The following MEI1 variants were observed in gnomAD, a reference collection of about 807,000 sequenced individuals.
MEI1 encodes meiotic double-stranded break formation protein 1.
In MEI1, 103 loss-of-function variants were observed where a neutral mutation model predicts 146.2. The ratio of observed to expected loss-of-function variants is 0.70; its 90% CI spans 0.60 to 0.83. The LOEUF is 0.83. Among genes scored for constraint, MEI1 ranks in the 40% least tolerant of loss-of-function variants. The pLI, the probability that MEI1 is intolerant of heterozygous loss-of-function variation, is 0.00. For missense variants in MEI1, 1,529 were observed against 1,533.0 expected (o/e 1.00, Z 0.04); for synonymous variants, 652 against 628.2 (o/e 1.04, Z -0.57).
intron 5 of MEI1, among the ~76,000 whole-genome samples, chr22:41,716,989 C>G (rs1393166014): frequency 6.6e-6 from 1 of 151,564 alleles, no homozygotes; most frequent in Non-Finnish European, 1.5e-5. Context: ...ACGCCCGGCT[C>G]CATTCATTCT....
intron 19 of MEI1, among the ~76,000 whole-genome samples, chr22:41,769,001 A>G (rs1201201349): frequency 6.6e-6 from 1 of 152,248 alleles, no homozygotes; most frequent in East Asian, 1.9e-4. Flanking sequence ...AGTGCTCTCC[A>G]AATTGATCGG....
At chr22:41,703,886 C>T (rs370309947) in intron 2 of MEI1, among the ~76,000 whole-genome samples, 1 of 151,870 alleles carries the variant, frequency 6.6e-6, no homozygotes, top group Non-Finnish European at 1.5e-5. Flanking sequence ...CTTGGGAGGC[C>T]GAGGCATGAG....
At chr22:41,719,465 G>T (rs2070538763) in intron 6 of MEI1, among the ~76,000 whole-genome samples, 1 of 152,190 alleles carries the variant, frequency 6.6e-6, no homozygotes, top group Non-Finnish European at 1.5e-5. Context: ...GGGATTAAAG[G>T]CGCAAGCCAC....
At chr22:41,734,382 C>G (rs1237423316) in intron 11 of MEI1, among the ~76,000 whole-genome samples, 3 of 152,054 alleles carry the variant, frequency 2.0e-5, no homozygotes, top group African/African-American at 7.2e-5. Context: ...TACCTGAAGT[C>G]AGGAGTTCAA....
At chr22:41,730,696 G>A (rs1329760979) in intron 9 of MEI1, 59 bp downstream of exon 9, 19 of 1,116,484 alleles carry the variant, frequency 1.7e-5, no homozygotes, top group Non-Finnish European at 2.2e-5. Flanking sequence ...TTGCACTTGG[G>A]TAGCAGCCGC....
chr22:41,725,701 CTCTT>C (rs1387290559), intron 7 of MEI1, among the ~76,000 whole-genome samples: 1 of 152,220 alleles, frequency 6.6e-6, no homozygotes, highest in Non-Finnish European at 1.5e-5. Flanking sequence ...CATTTCTCCT[CTCTT>C]TATCTGCTGA....
At chr22:41,749,327 G>T (rs1276546122) in intron 15 of MEI1, among the ~76,000 whole-genome samples, 1 of 151,492 alleles carries the variant, frequency 6.6e-6, no homozygotes, top group Non-Finnish European at 1.5e-5. Context: ...CCGGGCTAGA[G>T]TGCAATGGCA....
At chr22:41,779,642 A>G (rs566521322) in intron 22 of MEI1, among the ~76,000 whole-genome samples, 14 of 152,336 alleles carry the variant, frequency 9.2e-5, no homozygotes, top group African/African-American at 3.1e-4. Context: ...GATAAGGAAT[A>G]CTTATCTAGT....
In MEI1 at chr22:41,752,606, T is replaced by C; in HGVS notation, c.1808T>C (p.Ile603Thr). 5.0e-6 allele frequency: 8 copies of C among 1,599,370 alleles called. No homozygotes were observed. Among genetic ancestry groups the C allele is most frequent in the Non-Finnish European group, 6.8e-6 (8 of 1,172,992 alleles). Residue 603 changes from isoleucine (I) to threonine (T), a missense_variant, in exon 16 of 31, where the codon ATA becomes ACA. Transcript: ENST00000401548. ...TTCTCTGAAGCTTCCTCATCCTTCA[T>C]ACGACTGACCCTGGAGCTGAAGGCC... The part of the protein sequence containing the change: ...FSKKLASSSF[I>T]RLTLELKARF...
At chr22:41,796,190 T>A (rs1170301619) in intron 30 of MEI1, among the ~76,000 whole-genome samples, 3 of 151,884 alleles carry the variant, frequency 2.0e-5, no homozygotes, top group Admixed American at 6.6e-5. Flanking sequence ...ATATATATAT[T>A]TATTTATTCA....
At chr22:41,738,777 A>T (rs954951024) in intron 11 of MEI1, among the ~76,000 whole-genome samples, 2 of 130,356 alleles carry the variant, frequency 1.5e-5, no homozygotes, top group East Asian at 4.4e-4. Context: ...TCTCAAAAAA[A>T]AAAATAAATA....
intron 11 of MEI1, among the ~76,000 whole-genome samples, chr22:41,738,072 T>C (rs2072537032): frequency 6.6e-6 from 1 of 152,208 alleles, no homozygotes; most frequent in Admixed American, 6.5e-5. Context: ...CCCAGCACTT[T>C]GGGAAGTCAA....
chr22:41,783,868 A>T (rs2075850876), intron 24 of MEI1, among the ~76,000 whole-genome samples: 1 of 152,006 alleles, frequency 6.6e-6, no homozygotes. Context: ...TTTCTTGTAG[A>T]GATGGGTCTT....
At chr22:41,793,418 C>T (rs546625718) in intron 26 of MEI1, among the ~76,000 whole-genome samples, 1 of 152,296 alleles carries the variant, frequency 6.6e-6, no homozygotes, top group East Asian at 1.9e-4. Context: ...TCTCCTGCCT[C>T]AACCTCCTCA....
chr22:41,759,617 G>A (rs147745938), intron 18 of MEI1, among the ~76,000 whole-genome samples: 2,241 of 142,500 alleles, frequency 0.016, 18 homozygotes, highest in Non-Finnish European at 0.022. Flanking sequence ...GCGACAGAGC[G>A]AGACTCCGTC....
At chr22:41,724,106 C>A (rs1247845759) in intron 7 of MEI1, 33 bp downstream of exon 7, 4 of 1,611,732 alleles carry the variant, frequency 2.5e-6, no homozygotes, top group Non-Finnish European at 3.4e-6. Flanking sequence ...TCTCTAGGTT[C>A]AATAACAAGG....
At chr22:41,758,649 T>A in intron 18 of MEI1, 116 bp downstream of exon 18, 1 of 1,089,952 alleles carries the variant, frequency 9.2e-7, no homozygotes, top group Non-Finnish European at 1.3e-6. Context: ...GACACGGGGA[T>A]AAGTAAGAAA....
intron 26 of MEI1, among the ~76,000 whole-genome samples, chr22:41,786,516 T>A (rs2075991920): frequency 6.6e-6 from 1 of 152,250 alleles, no homozygotes; most frequent in Non-Finnish European, 1.5e-5. Flanking sequence ...TCAGCTTTAT[T>A]TTTATGAGAT....
chr22:41,793,078 C>G, intron 26 of MEI1, among the ~76,000 whole-genome samples: 1 of 107,600 alleles, frequency 9.3e-6, no homozygotes, highest in African/African-American at 3.4e-5. Context: ...TAGAGTCTTG[C>G]TCTGTTGCCC....
Sources: gnomAD v4.1 joint callset for allele counts (sites outside exome capture counted in the v4.1 genomes callset) on GRCh38, gnomAD v4.1.1 for gene constraint, MANE v1.5 for transcripts, NCBI Gene and HGNC (gene_info 2026-07-23, HGNC 2026-07-21) for gene names.